HMGA2: variants seen among roughly 807,000 people sequenced by gnomAD.
The protein encoded by HMGA2 is high mobility group protein HMGI-C.
In HMGA2, 8 loss-of-function variants were observed where a neutral mutation model predicts 19.1. That is an observed-to-expected ratio of 0.42 (90% confidence interval 0.25 to 0.76). HMGA2 has a LOEUF of 0.76. Among genes scored for constraint, HMGA2 ranks in the 30% least tolerant of loss-of-function variants. The pLI is 0.28. For synonymous variants in HMGA2, 60 were observed against 48.8 expected, an observed-to-expected ratio of 1.23 and a Z score of -0.96; for missense variants, 109 against 136.3, an observed-to-expected ratio of 0.80 and a Z score of 1.00.
intron 3 of HMGA2, among the ~76,000 whole-genome samples, chr12:65,939,647 C>T (rs753300971): frequency 2.4e-4 from 36 of 152,204 alleles, no homozygotes; most frequent in Admixed American, 6.5e-4. Context: ...TGAGACACCA[C>T]GCCCGGCCAC....
chr12:65,900,151 G>C (rs911683275), intron 3 of HMGA2, among the ~76,000 whole-genome samples: 3 of 152,124 alleles, frequency 2.0e-5, no homozygotes, highest in African/African-American at 7.2e-5. Context: ...TCTGTAGTCA[G>C]TGAAAACGAT....
chr12:65,876,695 T>C (rs191940809), intron 3 of HMGA2, among the ~76,000 whole-genome samples: 303 of 152,354 alleles, frequency 2.0e-3, no homozygotes, highest in Admixed American at 4.2e-3. Context: ...ATTTTTACTC[T>C]AAGAACAAAT....
chr12:65,880,051 G>A (rs745531936), intron 3 of HMGA2, among the ~76,000 whole-genome samples: 8 of 152,218 alleles, frequency 5.3e-5, no homozygotes, highest in Non-Finnish European at 1.2e-4. Context: ...TACAGTGGTT[G>A]ACCAAAAGTA....
chr12:65,868,902 C>T lies in HMGA2; in HGVS notation c.249+30333C>T, dbSNP rs1359243696. On this transcript the variant is annotated intron_variant, in intron 3 of 4. Coordinates refer to ENST00000403681, the MANE Select transcript of HMGA2 (RefSeq NM_003483.6). ...GTAAAGTAAAAATTTGTGCCAAACC[C>T]CAAATGTAGACAAGGTCATATTATA... Among the ~76,000 whole-genome samples the T allele has an allele frequency of 2.0e-5, 3 of 152,206 alleles. No individual in the cohort carries two copies. The East Asian group carries it at 5.8e-4, about 29-fold the overall frequency.
At chr12:65,945,299 A>C (rs1453242928) in intron 3 of HMGA2, among the ~76,000 whole-genome samples, 2 of 152,170 alleles carry the variant, frequency 1.3e-5, no homozygotes, top group African/African-American at 4.8e-5. Context: ...AAGTGACCCA[A>C]ACACAAATCT....
rs1254394725 is a variant in HMGA2 at position 65,825,624 on chromosome 12, G to T, written c.111+243G>T. ...GCGGCCCGGGGAAGGCGGGAGGTGG[G>T]GTCGGGCGAAGCGCGTCCTCGGACT... On this transcript the variant is annotated intron_variant, in intron 1 of 4. Transcript: ENST00000403681. This position sits in a 1 kb window ranked among gnomAD's most constrained non-coding sequence, Gnocchi z 4.4. 6.6e-6 allele frequency among the ~76,000 whole-genome samples: 1 copy of T among 151,698 alleles called. No individual in the cohort carries two copies. Among genetic ancestry groups the T allele is most frequent in the African/African-American group, 2.4e-5 (1 of 41,364 alleles).
chr12:65,875,681 C>T (rs867580778), intron 3 of HMGA2, among the ~76,000 whole-genome samples: 91 of 130,678 alleles, frequency 7.0e-4, no homozygotes, highest in African/African-American at 2.5e-3. Flanking sequence ...GAACTCCTTA[C>T]TTCAGGTGAT....
chr12:65,917,974 T>C (rs1207279495), intron 3 of HMGA2, among the ~76,000 whole-genome samples: 1 of 152,222 alleles, frequency 6.6e-6, no homozygotes, highest in Non-Finnish European at 1.5e-5. Context: ...AGAAATGTAG[T>C]CAGTGAAAAC....
At chr12:65,948,961 G>A (rs1159201428) in intron 3 of HMGA2, among the ~76,000 whole-genome samples, 1 of 152,222 alleles carries the variant, frequency 6.6e-6, no homozygotes, top group African/African-American at 2.4e-5. Flanking sequence ...CTGCAAGAAT[G>A]TATGTGGATT....
At chr12:65,895,655 T>A (rs183625938) in intron 3 of HMGA2, among the ~76,000 whole-genome samples, 94 of 152,282 alleles carry the variant, frequency 6.2e-4, no homozygotes, top group Non-Finnish European at 9.0e-4. Flanking sequence ...AACAAATACC[T>A]CCTTGTGCAC....
At chr12:65,902,940 A>G (rs913969115) in intron 3 of HMGA2, among the ~76,000 whole-genome samples, 4 of 152,216 alleles carry the variant, frequency 2.6e-5, no homozygotes, top group Non-Finnish European at 4.4e-5. Context: ...GTAGAGTGAG[A>G]TAGTTATATA....
intron 3 of HMGA2, among the ~76,000 whole-genome samples, chr12:65,934,074 T>C (rs1445776035): frequency 6.6e-6 from 1 of 152,242 alleles, no homozygotes; most frequent in East Asian, 1.9e-4. Context: ...GTATATTCAC[T>C]GAACAGTAGC....
intron 4 of HMGA2, 100 bp from the exon 5 acceptor site, chr12:65,963,145 A>C: frequency 9.4e-7 from 1 of 1,065,048 alleles, no homozygotes; most frequent in Non-Finnish European, 1.4e-6. Context: ...TGAGGCAAGC[A>C]TAATGTGCTG....
intron 4 of HMGA2, 182 bp downstream of exon 4, chr12:65,951,597 G>C: frequency 1.9e-6 from 1 of 525,806 alleles, no homozygotes; most frequent in Non-Finnish European, 3.4e-6. Context: ...ATCGTACCAT[G>C]AAAACCTCCC....
chr12:65,895,755 T>C (rs1043090878), intron 3 of HMGA2, among the ~76,000 whole-genome samples: 1 of 152,182 alleles, frequency 6.6e-6, no homozygotes, highest in African/African-American at 2.4e-5. Context: ...GACTTCTTTC[T>C]GGTTGGTTGT....
At chr12:65,896,613 A>G (rs1874142113) in intron 3 of HMGA2, among the ~76,000 whole-genome samples, 1 of 152,096 alleles carries the variant, frequency 6.6e-6, no homozygotes, top group African/African-American at 2.4e-5. Flanking sequence ...CAGCATGGCC[A>G]TTTCTAGAAG....
rs573781879 is a variant in HMGA2, at chr12:65,855,177, C to T, written c.249+16608C>T. ...TTCGTCCTGAAGTTGTGGATGAATA[C>T]CTTCATCCCCTGGAAATTCCTTGTT... On this transcript the variant is annotated intron_variant, in intron 3 of 4. Coordinates refer to ENST00000403681, the MANE Select transcript of HMGA2 (RefSeq NM_003483.6). 3.9e-5 allele frequency among the ~76,000 whole-genome samples: 6 copies of T among 152,116 alleles called. No individual in the cohort carries two copies. In the East Asian group the frequency reaches 1.2e-3, roughly 29 times the overall value.
chr12:65,881,724 C>T (rs181948402), intron 3 of HMGA2: 6 of 702,894 alleles, frequency 8.5e-6, no homozygotes, highest in African/African-American at 7.0e-5. Context: ...TCACTGACTC[C>T]GCACACATTC....
intron 3 of HMGA2, among the ~76,000 whole-genome samples, chr12:65,943,767 A>T (rs1876168865): frequency 6.6e-6 from 1 of 152,174 alleles, no homozygotes. Flanking sequence ...TTACTGTTGA[A>T]TTGTAACCAC....
Sources: allele counts gnomAD v4.1 joint callset (sites outside exome capture counted in the v4.1 genomes callset), GRCh38; gene constraint gnomAD v4.1.1; non-coding constraint Gnocchi (gnomAD v3.1); transcripts MANE v1.5; gene names NCBI Gene and HGNC (gene_info 2026-07-23, HGNC 2026-07-21).